Variants in NPAS3 observed in about 807,000 individuals in gnomAD.
NPAS3 encodes the protein neuronal PAS domain-containing protein 3.
A neutral mutation model predicts 73.1 loss-of-function variants in NPAS3; 14 were observed. That is an observed-to-expected ratio of 0.19 (90% CI 0.13 to 0.30). The LOEUF is 0.30. Among genes scored for constraint, NPAS3 ranks in the 10% least tolerant of loss-of-function variants. NPAS3 has a pLI of 1.00. For synonymous variants in NPAS3, 620 were observed against 541.5 expected, an observed-to-expected ratio of 1.14 and a Z score of -2.01; for missense variants, 1,096 against 1,250.0, an observed-to-expected ratio of 0.88 and a Z score of 1.86.
At position 33,767,117 on chromosome 14, in the gene NPAS3, T is replaced by A. The variant is rs184414406; in HGVS notation, c.853-7220T>A. On this transcript the variant is annotated intron_variant, in intron 7 of 11. Coordinates refer to ENST00000356141, the Ensembl canonical transcript of NPAS3. ...AGTCCCTGGTTTCAGCTAAGGCTTGTTTTTATTGGTATTTGTTTTTTCAGG... is the reference window on the plus strand; with the variant it reads ...AGTCCCTGGTTTCAGCTAAGGCTTGATTTTATTGGTATTTGTTTTTTCAGG... 3.3e-5 allele frequency among the ~76,000 whole-genome samples: 5 copies of A among 152,302 alleles called. No individual in the cohort carries two copies. In the East Asian group the frequency reaches 7.7e-4, roughly 23 times the overall value.
intron 5 of NPAS3, among the ~76,000 whole-genome samples, chr14:33,641,888 G>C (rs151037510): frequency 3.3e-5 from 5 of 152,206 alleles, no homozygotes; most frequent in East Asian, 1.9e-4. Flanking sequence ...GGTATGGTGA[G>C]AGTTTGCTGA....
intron 2 of NPAS3, among the ~76,000 whole-genome samples, chr14:33,164,153 T>C (rs2045031575): frequency 6.6e-6 from 1 of 152,352 alleles, no homozygotes; most frequent in Non-Finnish European, 1.5e-5. Context: ...GATATGTCTT[T>C]TAAAGCAGAC....
chr14:33,290,662 G>A (rs752024204), intron 3 of NPAS3, among the ~76,000 whole-genome samples: 65 of 152,054 alleles, frequency 4.3e-4, no homozygotes, highest in Non-Finnish European at 6.0e-4. Context: ...TTGCTCTACC[G>A]TGCACACTAA....
At chr14:33,115,607 T>G (rs1434062877) in intron 2 of NPAS3, among the ~76,000 whole-genome samples, 1 of 152,168 alleles carries the variant, frequency 6.6e-6, no homozygotes, top group Non-Finnish European at 1.5e-5. Context: ...AGAAAGTACC[T>G]AGAAATGCAA....
intron 4 of NPAS3, among the ~76,000 whole-genome samples, chr14:33,437,561 A>T (rs1363097210): frequency 6.7e-6 from 1 of 150,146 alleles, no homozygotes; most frequent in East Asian, 2.1e-4. Context: ...CACAAGATTG[A>T]TAAAGAGAGG....
At chr14:33,699,047 G>T (rs1055087627) in intron 6 of NPAS3, among the ~76,000 whole-genome samples, 3 of 152,286 alleles carry the variant, frequency 2.0e-5, no homozygotes, top group South Asian at 2.1e-4. Context: ...GGACACATAG[G>T]AAACACAGAG....
chr14:33,108,627 A>G (rs2042795872), intron 2 of NPAS3, among the ~76,000 whole-genome samples: 1 of 152,200 alleles, frequency 6.6e-6, no homozygotes, highest in Non-Finnish European at 1.5e-5. Context: ...GTACAAAATT[A>G]CAAGAACAAA....
At chr14:33,018,228 T>A (rs2039463523) in intron 1 of NPAS3, among the ~76,000 whole-genome samples, 1 of 152,212 alleles carries the variant, frequency 6.6e-6, no homozygotes. Context: ...GAAGCACGAA[T>A]GCTGTCTTAA....
intron 4 of NPAS3, among the ~76,000 whole-genome samples, chr14:33,427,573 C>G (rs2139102581): frequency 6.6e-6 from 1 of 151,898 alleles, no homozygotes; most frequent in East Asian, 1.9e-4. Flanking sequence ...GCTAGACATT[C>G]ACGATGGGAG....
At chr14:33,377,195 C>T (rs1224418411) in intron 4 of NPAS3, among the ~76,000 whole-genome samples, 2 of 152,118 alleles carry the variant, frequency 1.3e-5, no homozygotes, top group African/African-American at 4.8e-5. Flanking sequence ...AAATTCTTCT[C>T]TTAAAAACCA....
At chr14:33,154,991 G>A (rs1958009) in intron 2 of NPAS3, among the ~76,000 whole-genome samples, 45,687 of 151,944 alleles carry the variant, frequency 0.3, 7,135 homozygotes, top group East Asian at 0.46. Flanking sequence ...GTTTCTTAGA[G>A]TTTTCACATC....
intron 2 of NPAS3, among the ~76,000 whole-genome samples, chr14:33,061,825 C>T (rs207474631): frequency 2.0e-5 from 3 of 152,098 alleles, no homozygotes; most frequent in African/African-American, 4.8e-5. Context: ...CTGCCTGGAG[C>T]GGTGCCTCAG....
chr14:33,782,814 GTTTT>G (rs57849305), intron 9 of NPAS3, among the ~76,000 whole-genome samples: 2,133 of 149,572 alleles, frequency 0.014, 45 homozygotes, highest in African/African-American at 0.05. Context: ...CTTGGGGGTT[GTTTT>G]TTTTTAAAAA....
At position 33,215,109 on chromosome 14, in the gene NPAS3, C is replaced by A. The variant is rs1410451014; in HGVS notation, c.141-73C>A. ...AATTTTGGTGGGAAAAAAGGAAATA[C>A]AAAGAAAGCAGTATTTGAATGATGA... On this transcript the variant is annotated intron_variant, in intron 2 of 11. Transcript: ENST00000356141. 4.1e-6 allele frequency: 6 copies of A among 1,456,642 alleles called. No homozygotes were observed. The Admixed American group carries it at 6.1e-5, about 15-fold the overall frequency. The allele number at this position is 1,456,642 out of a possible 1,614,324, so 90.2% of individuals were successfully genotyped here.
chr14:33,741,716 T>C (rs1413618060), intron 7 of NPAS3, among the ~76,000 whole-genome samples: 2 of 152,156 alleles, frequency 1.3e-5, no homozygotes, highest in Non-Finnish European at 2.9e-5. Context: ...GCATAATCAC[T>C]AGCCATTCTG....
chr14:33,595,022 T>A (rs1215799442), intron 5 of NPAS3, among the ~76,000 whole-genome samples: 1 of 152,152 alleles, frequency 6.6e-6, no homozygotes, highest in African/African-American at 2.4e-5. Context: ...TAAGATTCCA[T>A]CTGAAAGGCA....
intron 1 of NPAS3, among the ~76,000 whole-genome samples, chr14:33,012,510 T>C (rs2039241109): frequency 6.6e-6 from 1 of 152,148 alleles, no homozygotes; most frequent in South Asian, 2.1e-4. Flanking sequence ...AATTAAATGG[T>C]GTCAGGAAAA....
At chr14:33,536,662 A>C (rs960306155) in intron 4 of NPAS3, among the ~76,000 whole-genome samples, 14 of 151,392 alleles carry the variant, frequency 9.2e-5, no homozygotes, top group Non-Finnish European at 1.5e-5. Flanking sequence ...ACTGGTTTTC[A>C]TTGTTATTTT....
chr14:33,276,960 T>C (rs1314464574), intron 3 of NPAS3, among the ~76,000 whole-genome samples: 4 of 152,152 alleles, frequency 2.6e-5, no homozygotes, highest in Admixed American at 2.0e-4. Flanking sequence ...GTGCCTACTA[T>C]GTAAACATAA....
Sources: gnomAD v4.1 joint callset for allele counts (sites outside exome capture counted in the v4.1 genomes callset) on GRCh38, gnomAD v4.1.1 for gene constraint, MANE v1.5 for transcripts, NCBI Gene and HGNC (gene_info 2026-07-23, HGNC 2026-07-21) for gene names.